HTT: variants seen among roughly 807,000 people sequenced by gnomAD.
HTT encodes huntington disease protein.
In HTT, 104 loss-of-function variants were observed where a neutral mutation model predicts 362.3. The ratio of observed to expected loss-of-function variants is 0.29; its 90% CI spans 0.24 to 0.34. The LOEUF (loss-of-function observed/expected upper bound fraction) is 0.34. HTT is among the 10% of genes least tolerant of loss of function. HTT has a pLI of 1.00. For missense variants in HTT, 3,301 were observed against 3,928.6 expected (o/e 0.84, Z 4.27); for synonymous variants, 1,577 against 1,548.7 (o/e 1.02, Z -0.43).
At chr4:3,224,880 A>G (rs1458744271) in intron 56 of HTT, among the ~76,000 whole-genome samples, 1 of 152,192 alleles carries the variant, frequency 6.6e-6, no homozygotes, top group African/African-American at 2.4e-5. Flanking sequence ...CCAGCCTTCA[A>G]GGAGCTCATA....
intron 40 of HTT, among the ~76,000 whole-genome samples, chr4:3,197,348 A>C (rs1351462870): frequency 6.6e-6 from 1 of 151,882 alleles, no homozygotes; most frequent in Non-Finnish European, 1.5e-5. Flanking sequence ...TTGCACTTAA[A>C]ATTGAACTAG....
intron 51 of HTT, among the ~76,000 whole-genome samples, chr4:3,215,967 G>C (rs976733817): frequency 6.6e-6 from 1 of 152,200 alleles, no homozygotes; most frequent in Admixed American, 6.5e-5. Flanking sequence ...GTCCCACAGA[G>C]GTGGGGGTGC....
intron 10 of HTT, 69 bp downstream of exon 10, chr4:3,123,005 G>A (rs1006155345): frequency 1.6e-6 from 2 of 1,253,998 alleles, no homozygotes; most frequent in African/African-American, 1.5e-5. Context: ...GTAATGTAAT[G>A]TATCTTGTAT....
chr4:3,166,434 A>G (rs1264429469), intron 29 of HTT, among the ~76,000 whole-genome samples: 2 of 152,142 alleles, frequency 1.3e-5, no homozygotes, highest in Admixed American at 6.5e-5. Context: ...TACCGGGAGA[A>G]CCACTGCTCT....
At position 3,240,026 on chromosome 4, in the gene HTT, T is replaced by C. The variant is rs371160721; in HGVS notation, c.9396T>C (p.Cys3132=). ...GCCCATATCACCGGCTGCTGACTTGTTTACGAAATGTCCACAAGGTCACCA... is the reference window on the plus strand; with the variant it reads ...GCCCATATCACCGGCTGCTGACTTGCTTACGAAATGTCCACAAGGTCACCA... The part of the protein sequence containing the change: ...PGSPYHRLLT[C]LRNVHKVTTC The change falls in exon 67 of 67, where the codon TGT becomes TGC. Residue 3132 remains cysteine (C), a synonymous_variant. Coordinates refer to ENST00000355072, the MANE Select transcript of HTT (RefSeq NM_001388492.1). The C allele has an allele frequency of 3.1e-6, 5 of 1,598,632 alleles. No individual in the cohort carries two copies. The highest frequency in any genetic ancestry group is 4.3e-6 in the Non-Finnish European group (5 of 1,172,224).
intron 21 of HTT, among the ~76,000 whole-genome samples, chr4:3,138,081 CTTCCTTCCTTCCTTCCTTCT>C (rs1716157914): frequency 1.3e-5 from 2 of 150,236 alleles, no homozygotes; most frequent in South Asian, 2.1e-4. Context: ...TCCTTCCTTC[CTTCCTTCCTTCCTTCCTTCT>C]TTCCTTCCTC....
At chr4:3,115,746 G>T (rs1468955821) in intron 7 of HTT, among the ~76,000 whole-genome samples, 1 of 152,196 alleles carries the variant, frequency 6.6e-6, no homozygotes, top group Non-Finnish European at 1.5e-5. Context: ...TTGAGACTGT[G>T]CCTCGGGTTC....
intron 28 of HTT, among the ~76,000 whole-genome samples, chr4:3,158,909 T>C (rs1717305239): frequency 6.6e-6 from 1 of 152,162 alleles, no homozygotes; most frequent in African/African-American, 2.4e-5. Flanking sequence ...TGCTATCTGT[T>C]TATTATTTTC....
rs368581733 is a variant in HTT at position 3,234,218 on chromosome 4, G to A, written c.8456+865G>A. 2.0e-4 allele frequency among the ~76,000 whole-genome samples: 30 copies of A among 152,372 alleles called. 1 individual carries two copies. The highest frequency in any genetic ancestry group is 5.8e-4 in the African/African-American group (24 of 41,586). On this transcript the variant is annotated intron_variant, in intron 61 of 66. Coordinates refer to ENST00000355072, the MANE Select transcript of HTT (RefSeq NM_001388492.1). The stretch of plus-strand genomic sequence containing the variant: ...GGAGGTGTGAGCCAGGGCACATGCC[G>A]GTGGCCGTCTGGCAGGATTTGGGAC...
chr4:3,200,167 G>A (rs1053566325), intron 41 of HTT, among the ~76,000 whole-genome samples: 2 of 152,174 alleles, frequency 1.3e-5, no homozygotes, highest in African/African-American at 4.8e-5. Context: ...TTCTAAATGC[G>A]ATTTTCTTTG....
At position 3,121,336 on chromosome 4, in the gene HTT, C is replaced by T; in HGVS notation, c.1177C>T (p.Gln393Ter). 6.2e-7 allele frequency: 1 copy of T among 1,614,152 alleles called. No homozygotes were observed. Among genetic ancestry groups the T allele is most frequent in the African/African-American group, 1.3e-5 (1 of 75,048 alleles). ...CAGAACGCCTCCACCCGAGCTTCTGCAAACCCTGACCGCAGTCGGGGGCAT... is the reference window on the plus strand; with the variant it reads ...CAGAACGCCTCCACCCGAGCTTCTGTAAACCCTGACCGCAGTCGGGGGCAT... Reference protein sequence around the residue: ...LFRTPPPELLQTLTAVGGIGQ... With the variant: ...LFRTPPPELL The change falls in exon 9 of 67, where the codon CAA (glutamine) becomes TAA (stop). Residue 393 changes from glutamine to a stop codon, truncating the protein, a stop_gained. Coordinates refer to ENST00000355072, the MANE Select transcript of HTT (RefSeq NM_001388492.1). LOFTEE classifies it high-confidence loss of function.
At chr4:3,130,221 AC>A in intron 13 of HTT, 83 bp from the exon 14 acceptor site, 2 of 1,068,548 alleles carry the variant, frequency 1.9e-6, no homozygotes, top group Non-Finnish European at 1.4e-6. Flanking sequence ...TAAATCTTAT[AC>A]TTTTGAGTTA....
chr4:3,075,803 A>G (rs772727119), intron 1 of HTT, among the ~76,000 whole-genome samples: 1 of 152,122 alleles, frequency 6.6e-6, no homozygotes, highest in African/African-American at 2.4e-5. Context: ...AGCACCACCT[A>G]AGAGATCTGC....
intron 66 of HTT, among the ~76,000 whole-genome samples, chr4:3,239,207 G>A (rs1001197179): frequency 2.6e-5 from 4 of 152,174 alleles, no homozygotes; most frequent in South Asian, 4.1e-4. Context: ...CAGGAGGGTC[G>A]CAGCTGAGGG....
Position 3,172,203 on chromosome 4 carries a change from C to G in HTT, c.3865-117C>G, listed in dbSNP as rs138718068. The G allele has an allele frequency of 2.2e-4, 160 of 720,116 alleles. No homozygotes were observed. The East Asian group carries it at 3.9e-3, about 18-fold the overall frequency. The allele number at this position is 720,116 out of a possible 1,614,324, so 44.6% of individuals were successfully genotyped here. A position where few individuals can be genotyped will look rare whatever the true frequency, so the allele number is the denominator to read the frequency against. On this transcript the variant is annotated intron_variant, in intron 29 of 66. Transcript: ENST00000355072. The stretch of plus-strand genomic sequence containing the variant: ...AAATTGAAAACTTTCCTCTGATTTT[C>G]CTCTACTATTTACACAATTTAAATG...
rs539144469 is a variant in HTT at position 3,237,916 on chromosome 4, C to G, written c.8892-531C>G. On this transcript the variant is annotated intron_variant, in intron 64 of 66. Transcript: ENST00000355072. ...ACAAGAAAAAAGTCCTGGTTGACAA[C>G]AGTGCCACGAAGCGTTAGAACACAT... Among the ~76,000 whole-genome samples, 4 of 152,306 alleles carry G rather than the reference C, an allele frequency of 2.6e-5. No homozygotes were observed. The East Asian group carries it at 5.8e-4, about 22-fold the overall frequency.
At position 3,211,970 on chromosome 4, in the gene HTT, G is replaced by A. The variant is rs780971448; in HGVS notation, c.6456G>A (p.Gly2152=). Residue 2152 remains glycine (G), a synonymous_variant, in exon 48 of 67, where the codon GGG becomes GGA. Coordinates refer to ENST00000355072, the MANE Select transcript of HTT (RefSeq NM_001388492.1). ...LSLLAPCLSL[G]MSEISGGQKS... is the part of the protein sequence containing the mutation. ...TGCTAGCTCCATGCTTAAGCCTAGG[G>A]ATGAGTGAAATTTCTGGTGGCCAGA... The A allele has an allele frequency of 1.2e-5, 19 of 1,614,044 alleles. No individual in the cohort carries two copies. Among genetic ancestry groups the A allele is most frequent in the Non-Finnish European group, 1.4e-5 (17 of 1,180,034 alleles).
Position 3,228,518 on chromosome 4 carries a change from G to C in HTT, c.7849-97G>C. The C allele has an allele frequency of 7.2e-7, 1 of 1,383,870 alleles. No individual in the cohort carries two copies. Among genetic ancestry groups the C allele is most frequent in the Non-Finnish European group, 9.8e-7 (1 of 1,025,246 alleles). The allele number at this position is 1,383,870 out of a possible 1,614,324, so 85.7% of individuals were successfully genotyped here. A position where few individuals can be genotyped will look rare whatever the true frequency, so the allele number is the denominator to read the frequency against. On this transcript the variant is annotated intron_variant, in intron 57 of 66. Coordinates refer to ENST00000355072, the MANE Select transcript of HTT (RefSeq NM_001388492.1). This position sits in a 1 kb window ranked among gnomAD's most constrained non-coding sequence, Gnocchi z 4.3. ...ACCCTTGCTAAGGGGCAGACTGTTA[G>C]ACGGTAGGCATGTGCTGAGTCCCAG...
intron 19 of HTT, 107 bp from the exon 20 acceptor site, chr4:3,135,797 C>A: frequency 1.4e-6 from 1 of 715,938 alleles, no homozygotes; most frequent in South Asian, 2.3e-5. Context: ...TAAGTGCTGC[C>A]CAAGGTCCTT....
Sources: allele counts gnomAD v4.1 joint callset (sites outside exome capture counted in the v4.1 genomes callset), GRCh38; gene constraint gnomAD v4.1.1; non-coding constraint Gnocchi (gnomAD v3.1); transcripts MANE v1.5; gene names NCBI Gene and HGNC (gene_info 2026-07-23, HGNC 2026-07-21).